DCHS2: variants seen among roughly 807,000 people sequenced by gnomAD.
DCHS2 encodes the protein protocadherin-23.
In DCHS2, 142 loss-of-function variants were observed where a neutral mutation model predicts 182.4. The ratio of observed to expected loss-of-function variants is 0.78; its 90% CI spans 0.68 to 0.89. The LOEUF (loss-of-function observed/expected upper bound fraction) is 0.89. Among genes scored for constraint, DCHS2 ranks in the 40% least tolerant of loss-of-function variants. The pLI is 0.00. For synonymous variants in DCHS2, 1,740 were observed against 1,663.3 expected, an observed-to-expected ratio of 1.05 and a Z score of -1.12; for missense variants, 4,319 against 4,198.6, an observed-to-expected ratio of 1.03 and a Z score of -0.79.
chr4:154,399,973 C>T (rs1579047619), intron 1 of DCHS2, among the ~76,000 whole-genome samples: 1 of 152,174 alleles, frequency 6.6e-6, no homozygotes, highest in African/African-American at 2.4e-5. Context: ...GGATTCTTCA[C>T]ATATAAATCC....
At chr4:154,452,203 A>T (rs1466152308) in intron 1 of DCHS2, among the ~76,000 whole-genome samples, 2 of 152,224 alleles carry the variant, frequency 1.3e-5, no homozygotes, top group Non-Finnish European at 2.9e-5. Flanking sequence ...CACAATTTCT[A>T]CACAGAATGG....
intron 3 of DCHS2, among the ~76,000 whole-genome samples, chr4:154,364,933 C>T (rs1730283676): frequency 6.6e-6 from 1 of 151,444 alleles, no homozygotes; most frequent in South Asian, 2.1e-4. Flanking sequence ...TTTTTTGCAG[C>T]CTCATTTTTG....
At chr4:154,384,541 T>G (rs1233961773) in intron 1 of DCHS2, 13 of 1,540,722 alleles carry the variant, frequency 8.4e-6, no homozygotes, top group Non-Finnish European at 1.1e-5. Context: ...CCTATGACTA[T>G]TCTCTTATTT....
At position 154,315,936 on chromosome 4, in the gene DCHS2, A is replaced by G. The variant is rs1171623556; in HGVS notation, c.5072T>C (p.Ile1691Thr). The change falls in exon 10 of 20, where the codon ATT becomes ACT. Residue 1691 changes from isoleucine to threonine, a missense_variant. Transcript: ENST00000357232. ...ATCATCCAGTGCCAGAACAGTCAGA[A>G]TATGCTGAGTTTTCATTTCATAATC... ...PLDYEMKTQH[I>T]LTVLALDDGT... is the part of the protein sequence containing the mutation. 2.5e-6 allele frequency: 4 copies of G among 1,614,062 alleles called. No homozygotes were observed. Among genetic ancestry groups the G allele is most frequent in the Non-Finnish European group, 3.4e-6 (4 of 1,179,978 alleles).
intron 1 of DCHS2, among the ~76,000 whole-genome samples, chr4:154,476,920 G>A (rs1277545554): frequency 6.6e-6 from 1 of 151,858 alleles, no homozygotes; most frequent in Admixed American, 6.6e-5. Context: ...AGGTGGTCAA[G>A]GAAGGCTTCC....
chr4:154,320,933 G>A lies in DCHS2; in HGVS notation c.4466C>T (p.Ser1489Phe), dbSNP rs1169977341. Residue 1489 changes from serine to phenylalanine, a missense_variant, in exon 9 of 20, where the codon TCC becomes TTC. Ser to Phe is a radical substitution (Grantham distance 155). Transcript: ENST00000357232. ...ACTAAGGAAGACTGTGCTACTCAGGGAAAGGTTTTTGCTATGGTCTGTAGT... is the reference window on the plus strand; with the variant it reads ...ACTAAGGAAGACTGTGCTACTCAGGAAAAGGTTTTTGCTATGGTCTGTAGT... ...VITTDHSKNL[S>F]LSSTVFLSID... is the part of the protein sequence containing the mutation. 2.5e-6 allele frequency: 4 copies of A among 1,613,946 alleles called. No homozygotes were observed. In the Admixed American group the frequency reaches 6.7e-5, roughly 27 times the overall value.
intron 14 of DCHS2, among the ~76,000 whole-genome samples, chr4:154,264,003 T>G (rs1045871555): frequency 1.3e-5 from 2 of 152,164 alleles, no homozygotes; most frequent in Non-Finnish European, 2.9e-5. Flanking sequence ...AAAAAAAATC[T>G]TCCGTATTAG....
chr4:154,244,710 A>G (rs993776476), intron 16 of DCHS2, among the ~76,000 whole-genome samples: 1 of 152,176 alleles, frequency 6.6e-6, no homozygotes, highest in African/African-American at 2.4e-5. Context: ...TCTACTATTC[A>G]TGAAGAACAC....
intron 1 of DCHS2, among the ~76,000 whole-genome samples, chr4:154,378,808 C>A (rs1397003662): frequency 6.6e-6 from 1 of 152,168 alleles, no homozygotes; most frequent in East Asian, 1.9e-4. Flanking sequence ...CCAAGTCTGA[C>A]ACCTTGTCAT....
At chr4:154,382,561 C>G (rs561122520) in intron 1 of DCHS2, among the ~76,000 whole-genome samples, 8 of 152,056 alleles carry the variant, frequency 5.3e-5, no homozygotes, top group African/African-American at 1.9e-4. Flanking sequence ...ACAGACAACC[C>G]CTCAGAATGG....
intron 8 of DCHS2, among the ~76,000 whole-genome samples, chr4:154,322,046 C>T (rs181506358): frequency 1.3e-5 from 2 of 152,188 alleles, no homozygotes; most frequent in South Asian, 2.1e-4. Flanking sequence ...GAAAAGATAC[C>T]TTTTGTCCAT....
intron 10 of DCHS2, among the ~76,000 whole-genome samples, chr4:154,309,461 C>T (rs967472997): frequency 3.3e-5 from 5 of 152,148 alleles, no homozygotes; most frequent in Admixed American, 1.3e-4. Context: ...CATTTCCTTC[C>T]CAGGGTCTGA....
chr4:154,406,474 T>C (rs935318733), intron 1 of DCHS2, among the ~76,000 whole-genome samples: 1 of 152,238 alleles, frequency 6.6e-6, no homozygotes, highest in Admixed American at 6.5e-5. Flanking sequence ...GTCTCATATA[T>C]TCTGTCTGAT....
rs546636892 is a variant in DCHS2 at position 154,331,849 on chromosome 4, C to T, written c.3730+629G>A. The T allele has an allele frequency of 1.6e-5, 14 of 884,824 alleles. No homozygotes were observed. The East Asian group carries it at 1.8e-4, about 11-fold the overall frequency. 54.8% of individuals were successfully genotyped at this position (884,824 alleles called of 1,614,324 possible). ...TGTTTCATTGTAAGGATTAAATAAA[C>T]TCCCCGTAAACTTATACAACATAAA... On this transcript the variant is annotated intron_variant, in intron 5 of 19. Coordinates refer to ENST00000357232, the MANE Select transcript of DCHS2 (RefSeq NM_001358235.2).
chr4:154,441,913 G>A (rs1734032809), intron 1 of DCHS2, among the ~76,000 whole-genome samples: 2 of 152,140 alleles, frequency 1.3e-5, no homozygotes, highest in East Asian at 3.8e-4. Flanking sequence ...TAATATTCTG[G>A]TGAGTGATAT....
At chr4:154,327,469 C>T (rs1736326946) in intron 7 of DCHS2, among the ~76,000 whole-genome samples, 1 of 152,138 alleles carries the variant, frequency 6.6e-6, no homozygotes, top group Non-Finnish European at 1.5e-5. Context: ...TGGGAAAGGG[C>T]AATGTTATCT....
chr4:154,478,649 A>G (rs1396881253), intron 1 of DCHS2, among the ~76,000 whole-genome samples: 1 of 152,118 alleles, frequency 6.6e-6, no homozygotes, highest in Non-Finnish European at 1.5e-5. Flanking sequence ...ACTCTTAGAG[A>G]GGGGAAATCC....
intron 10 of DCHS2, among the ~76,000 whole-genome samples, chr4:154,308,425 G>A (rs893002031): frequency 8.5e-5 from 13 of 152,098 alleles, no homozygotes; most frequent in African/African-American, 1.4e-4. Flanking sequence ...TGGCCATCAC[G>A]CCATTGTCAT....
chr4:154,402,871 G>T (rs1732247254), intron 1 of DCHS2, among the ~76,000 whole-genome samples: 1 of 152,066 alleles, frequency 6.6e-6, no homozygotes, highest in South Asian at 2.1e-4. Flanking sequence ...GCAGAATTTT[G>T]TAGTTTCCAG....
Sources: allele counts gnomAD v4.1 joint callset (sites outside exome capture counted in the v4.1 genomes callset), GRCh38; gene constraint gnomAD v4.1.1; transcripts MANE v1.5; gene names NCBI Gene and HGNC (gene_info 2026-07-23, HGNC 2026-07-21).